The following MAML2 variants were observed in gnomAD, a reference collection of about 807,000 sequenced individuals.
The protein encoded by MAML2 is mastermind-like protein 2.
A neutral mutation model predicts 96.1 loss-of-function variants in MAML2; 22 were observed. The observed-to-expected ratio is 0.23, with a 90% CI of 0.16 to 0.33. The LOEUF (loss-of-function observed/expected upper bound fraction) is 0.33. Ranked by LOEUF, MAML2 falls within the 10% of genes least tolerant of loss-of-function variation. The pLI is 1.00. For synonymous variants in MAML2, 561 were observed against 521.3 expected, an observed-to-expected ratio of 1.08 and a Z score of -1.04; for missense variants, 1,367 against 1,392.4, an observed-to-expected ratio of 0.98 and a Z score of 0.29.
At chr11:96,248,812 C>T (rs764856663) in intron 1 of MAML2, among the ~76,000 whole-genome samples, 12 of 152,206 alleles carry the variant, frequency 7.9e-5, no homozygotes, top group Non-Finnish European at 1.0e-4. Flanking sequence ...TATGGATCTA[C>T]TCCAATCTCC....
At chr11:96,274,109 G>A (rs950146865) in intron 1 of MAML2, among the ~76,000 whole-genome samples, 4 of 114,944 alleles carry the variant, frequency 3.5e-5, no homozygotes, top group Non-Finnish European at 4.9e-5. Flanking sequence ...TTTAGAAGGA[G>A]TCTCGCTCTG....
At chr11:96,148,244 T>G (rs1478051042) in intron 1 of MAML2, among the ~76,000 whole-genome samples, 3 of 152,178 alleles carry the variant, frequency 2.0e-5, no homozygotes. Flanking sequence ...CTGTCTCCCG[T>G]GGACATAAAG....
At chr11:96,215,394 C>T (rs1487331696) in intron 1 of MAML2, among the ~76,000 whole-genome samples, 1 of 152,168 alleles carries the variant, frequency 6.6e-6, no homozygotes, top group Non-Finnish European at 1.5e-5. Flanking sequence ...TCATAGTGTG[C>T]TCTCTCTTCC....
At chr11:96,054,599 A>G (rs892135363) in intron 2 of MAML2, among the ~76,000 whole-genome samples, 1 of 152,188 alleles carries the variant, frequency 6.6e-6, no homozygotes. Context: ...AGAGAAAAAA[A>G]GAATTAACTA....
chr11:96,342,019 T>C lies in MAML2; in HGVS notation c.-124A>G. The C allele has an allele frequency of 4.3e-6, 4 of 925,858 alleles. No individual in the cohort carries two copies. Among genetic ancestry groups the C allele is most frequent in the Non-Finnish European group, 6.2e-6 (4 of 640,144 alleles). 57.4% of individuals were successfully genotyped at this position (925,858 alleles called of 1,614,324 possible). ...GTGTTCAGGGCCACATGAATAGAGG[T>C]CTTCAGAGGTTGTGGGGGAGCCGTG... On this transcript the variant is annotated 5_prime_UTR_variant, in exon 1 of 5. Transcript: ENST00000524717.
chr11:96,337,034 A>G (rs545059528), intron 1 of MAML2, among the ~76,000 whole-genome samples: 1 of 152,330 alleles, frequency 6.6e-6, no homozygotes, highest in South Asian at 2.1e-4. Context: ...TTTTTTGTAA[A>G]GTATTATACT....
At chr11:96,262,957 C>G (rs1591102798) in intron 1 of MAML2, among the ~76,000 whole-genome samples, 1 of 152,138 alleles carries the variant, frequency 6.6e-6, no homozygotes, top group East Asian at 1.9e-4. Context: ...CTTGATCTCT[C>G]TTTGGCAAGA....
chr11:96,144,924 T>C (rs1487502225), intron 1 of MAML2, among the ~76,000 whole-genome samples: 1 of 152,254 alleles, frequency 6.6e-6, no homozygotes, highest in Non-Finnish European at 1.5e-5. Context: ...GAGTGAAGGC[T>C]GCCCTGATCA....
chr11:96,065,925 C>G (rs1271319788), intron 2 of MAML2, among the ~76,000 whole-genome samples: 1 of 152,178 alleles, frequency 6.6e-6, no homozygotes, highest in Non-Finnish European at 1.5e-5. Context: ...GTGCTGGGCC[C>G]AGGCGCAATA....
At chr11:96,158,094 T>C (rs1861040601) in intron 1 of MAML2, among the ~76,000 whole-genome samples, 1 of 152,180 alleles carries the variant, frequency 6.6e-6, no homozygotes, top group South Asian at 2.1e-4. Context: ...TTCCAAGTCC[T>C]GTGGGGAAGG....
chr11:96,084,175 A>G (rs977230465), intron 2 of MAML2, among the ~76,000 whole-genome samples: 7 of 152,122 alleles, frequency 4.6e-5, no homozygotes, highest in Non-Finnish European at 1.0e-4. Flanking sequence ...AGTCAAGGGA[A>G]GAGAAAGGCT....
chr11:96,246,547 G>A (rs1862514882), intron 1 of MAML2, among the ~76,000 whole-genome samples: 1 of 152,078 alleles, frequency 6.6e-6, no homozygotes, highest in South Asian at 2.1e-4. Flanking sequence ...TTTGTAAACT[G>A]ATAATTCTGA....
chr11:96,188,159 G>A (rs1311195887), intron 1 of MAML2, among the ~76,000 whole-genome samples: 1 of 152,200 alleles, frequency 6.6e-6, no homozygotes, highest in Admixed American at 6.5e-5. Flanking sequence ...AAAGCAATGT[G>A]AGAAGTCGCC....
At chr11:96,333,564 G>T (rs1863880216) in intron 1 of MAML2, among the ~76,000 whole-genome samples, 1 of 152,110 alleles carries the variant, frequency 6.6e-6, no homozygotes, top group African/African-American at 2.4e-5. Context: ...TGTTTTTTAT[G>T]GAAAACCGCA....
At chr11:96,237,116 T>G (rs1270268232) in intron 1 of MAML2, among the ~76,000 whole-genome samples, 1 of 152,198 alleles carries the variant, frequency 6.6e-6, no homozygotes, top group Non-Finnish European at 1.5e-5. Flanking sequence ...ACTGCAATGT[T>G]AAGCTGATTA....
intron 2 of MAML2, among the ~76,000 whole-genome samples, chr11:95,993,394 C>T (rs1476165234): frequency 6.6e-6 from 1 of 152,008 alleles, no homozygotes; most frequent in Non-Finnish European, 1.5e-5. Flanking sequence ...ATGGTTAAAC[C>T]CCATCTCTAC....
At chr11:96,078,279 A>G (rs913083922) in intron 2 of MAML2, among the ~76,000 whole-genome samples, 1 of 152,254 alleles carries the variant, frequency 6.6e-6, no homozygotes, top group African/African-American at 2.4e-5. Flanking sequence ...AAAGAATGTA[A>G]TATTCTAGAA....
intron 1 of MAML2, among the ~76,000 whole-genome samples, chr11:96,160,082 T>G (rs762221157): frequency 6.6e-6 from 1 of 152,182 alleles, no homozygotes; most frequent in Non-Finnish European, 1.5e-5. Flanking sequence ...TTTTCCCCTA[T>G]AGAAAGAGAT....
chr11:96,270,544 C>T (rs1450281958), intron 1 of MAML2, among the ~76,000 whole-genome samples: 2 of 152,076 alleles, frequency 1.3e-5, no homozygotes, highest in East Asian at 1.9e-4. Flanking sequence ...CTCCTGACCT[C>T]GTGATCCGCC....
Sources: allele counts gnomAD v4.1 joint callset (sites outside exome capture counted in the v4.1 genomes callset), GRCh38; gene constraint gnomAD v4.1.1; transcripts MANE v1.5; gene names NCBI Gene and HGNC (gene_info 2026-07-23, HGNC 2026-07-21).